FREM1: variants seen among roughly 807,000 people sequenced by gnomAD.
The protein encoded by FREM1 is FRAS1 related extracellular matrix 1, also known as FRAS1-related extracellular matrix protein 1.
Under a neutral mutation model 210.1 loss-of-function variants are expected in FREM1, and 220 were observed. The observed-to-expected ratio is 1.05, with a 90% CI of 0.94 to 1.17. The LOEUF is 1.17. Among genes scored for constraint, FREM1 ranks in the 50% most tolerant of loss-of-function variants. FREM1 has a pLI of 0.00. For synonymous variants in FREM1, 1,189 were observed against 980.2 expected (o/e 1.21, Z -3.98); for missense variants, 3,454 against 2,675.5 (o/e 1.29, Z -6.42).
At position 14,849,975 on chromosome 9, in the gene FREM1, T is replaced by C. The variant is rs545412228; in HGVS notation, c.1153-1202A>G. Among the ~76,000 whole-genome samples, 17 of 152,288 alleles carry C rather than the reference T, an allele frequency of 1.1e-4. 1 individual carries two copies. In the South Asian group the frequency reaches 3.5e-3, roughly 32 times the overall value. ...GGAAATAAAAGCAGAAGGCAAAGCA[T>C]AGCGTTTATAGCCTGAAGTCCTTTG... On this transcript the variant is annotated intron_variant, in intron 6 of 36. Coordinates refer to ENST00000380880, the MANE Select transcript of FREM1 (RefSeq NM_001379081.2).
At chr9:14,888,622 T>C (rs1486519471) in intron 1 of FREM1, among the ~76,000 whole-genome samples, 3 of 152,212 alleles carry the variant, frequency 2.0e-5, no homozygotes, top group Non-Finnish European at 4.4e-5. Flanking sequence ...TCAAGTCAAA[T>C]AGGCCACTTC....
chr9:14,829,713 AT>A (rs1258997336), intron 10 of FREM1, among the ~76,000 whole-genome samples: 1 of 152,196 alleles, frequency 6.6e-6, no homozygotes, highest in African/African-American at 2.4e-5. Context: ...TCTATTGTTT[AT>A]AAATTACCCA....
rs1177617128 is a variant in FREM1, at chr9:14,801,694, G to A, written c.3652C>T (p.His1218Tyr). The change falls in exon 20 of 37, where the codon CAT becomes TAT. Residue 1218 changes from histidine to tyrosine, a missense_variant. His to Tyr is a moderately conservative substitution (Grantham distance 83). Coordinates refer to ENST00000380880, the MANE Select transcript of FREM1 (RefSeq NM_001379081.2). ...ATGGAAAAGCTGTGAACAGGTGCAT[G>A]TTTCTGGTGAGGGTTGGCTGGCTGC... is the stretch of plus-strand genomic sequence containing the variant. ...NKQPANPHQK[H>Y]APVHSFSMEL... The A allele has an allele frequency of 1.9e-6, 3 of 1,613,832 alleles. No individual in the cohort carries two copies. The highest frequency in any genetic ancestry group is 2.7e-5 in the African/African-American group (2 of 74,934).
intron 36 of FREM1, among the ~76,000 whole-genome samples, chr9:14,739,074 AAG>A (rs1450895315): frequency 1.3e-5 from 2 of 151,646 alleles, no homozygotes; most frequent in Non-Finnish European, 2.9e-5. Flanking sequence ...GACTTCAGAA[AAG>A]AGGGAATAAA....
chr9:14,777,561 TA>T, intron 24 of FREM1, among the ~76,000 whole-genome samples: 1 of 152,314 alleles, frequency 6.6e-6, no homozygotes, highest in Middle Eastern at 3.4e-3. Context: ...CCTCTAAAAC[TA>T]ATGCTTTCGT....
intron 22 of FREM1, among the ~76,000 whole-genome samples, chr9:14,792,112 G>T (rs565232907): frequency 2.0e-5 from 3 of 152,108 alleles, no homozygotes; most frequent in Non-Finnish European, 4.4e-5. Context: ...CAAAGTGCTG[G>T]GATTCAGATA....
intron 1 of FREM1, among the ~76,000 whole-genome samples, chr9:14,890,336 T>C (rs1416220003): frequency 6.6e-6 from 1 of 152,214 alleles, no homozygotes; most frequent in Non-Finnish European, 1.5e-5. Flanking sequence ...TTGCAAACTG[T>C]GCTTGTGAAA....
chr9:14,759,382 T>C (rs757492554), intron 28 of FREM1, among the ~76,000 whole-genome samples: 13 of 151,748 alleles, frequency 8.6e-5, no homozygotes, highest in Non-Finnish European at 1.5e-4. Flanking sequence ...TGGTGGCAGG[T>C]GCCTGTAATC....
chr9:14,761,863 A>G (rs1276151218), intron 27 of FREM1, among the ~76,000 whole-genome samples: 1 of 152,204 alleles, frequency 6.6e-6, no homozygotes, highest in Non-Finnish European at 1.5e-5. Flanking sequence ...AATTTTACAT[A>G]ATCATGGCCC....
intron 3 of FREM1, among the ~76,000 whole-genome samples, chr9:14,860,800 CATATATACAT>C (rs1259513133): frequency 2.6e-5 from 2 of 77,146 alleles, no homozygotes; most frequent in African/African-American, 1.1e-4. Flanking sequence ...CATATATACA[CATATATACAT>C]ATATACACAT....
intron 27 of FREM1, among the ~76,000 whole-genome samples, chr9:14,765,094 A>G (rs867527858): frequency 6.6e-6 from 1 of 152,244 alleles, no homozygotes; most frequent in Admixed American, 6.5e-5. Flanking sequence ...TACTATCCTT[A>G]TAACTATATC....
intron 1 of FREM1, among the ~76,000 whole-genome samples, chr9:14,897,647 G>A (rs980742337): frequency 2.7e-5 from 4 of 150,460 alleles, no homozygotes; most frequent in Non-Finnish European, 4.4e-5. Flanking sequence ...CTGGAGTACA[G>A]TTCCTTCATC....
Position 14,737,321 on chromosome 9 carries a change from A to G in FREM1, c.*75T>C, listed in dbSNP as rs1212297624. 2.7e-6 allele frequency: 3 copies of G among 1,119,958 alleles called. No homozygotes were observed. Among genetic ancestry groups the G allele is most frequent in the Non-Finnish European group, 3.9e-6 (3 of 772,738 alleles). 69.4% of individuals were successfully genotyped at this position (1,119,958 alleles called of 1,614,324 possible). On this transcript the variant is annotated 3_prime_UTR_variant, in exon 37 of 37. Coordinates refer to ENST00000380880, the MANE Select transcript of FREM1 (RefSeq NM_001379081.2). ...ACTCAATCATAACAATTTGTTTTCT[A>G]TGGAGCAATATTCACAGATCCTGTG...
chr9:14,816,549 A>C (rs1182511366), intron 15 of FREM1, among the ~76,000 whole-genome samples: 2 of 152,152 alleles, frequency 1.3e-5, no homozygotes, highest in African/African-American at 4.8e-5. Context: ...TAAAAGGCTC[A>C]TAGCTCAGTG....
chr9:14,747,462 A>G, intron 32 of FREM1, 34 bp from the exon 33 acceptor site: 2 of 1,589,874 alleles, frequency 1.3e-6, no homozygotes, highest in Non-Finnish European at 1.7e-6. Flanking sequence ...ACAATAAGGA[A>G]AAAACAAACA....
At chr9:14,865,998 G>A (rs1271916376) in intron 2 of FREM1, among the ~76,000 whole-genome samples, 1 of 152,112 alleles carries the variant, frequency 6.6e-6, no homozygotes, top group Non-Finnish European at 1.5e-5. Context: ...AATATTAGAA[G>A]ATATAAATCC....
intron 2 of FREM1, among the ~76,000 whole-genome samples, chr9:14,867,085 C>T (rs1442469599): frequency 2.6e-5 from 4 of 152,084 alleles, no homozygotes; most frequent in African/African-American, 9.7e-5. Flanking sequence ...GTCTCTAACT[C>T]CTGGACTCAA....
chr9:14,864,494 T>C (rs1831159896), intron 2 of FREM1, among the ~76,000 whole-genome samples: 2 of 152,226 alleles, frequency 1.3e-5, no homozygotes, highest in African/African-American at 4.8e-5. Flanking sequence ...ACTGCTTTCA[T>C]TAGTTAGGCA....
chr9:14,747,114 C>T lies in FREM1; in HGVS notation c.6010-63G>A. ...ACTTAAGGAAAGTTGCTCACACATTCACCTCCTTTGGGTCTTCATTTGTTG... is the reference window on the plus strand; with the variant it reads ...ACTTAAGGAAAGTTGCTCACACATTTACCTCCTTTGGGTCTTCATTTGTTG... On this transcript the variant is annotated intron_variant, in intron 33 of 36. Coordinates refer to ENST00000380880, the MANE Select transcript of FREM1 (RefSeq NM_001379081.2). 7 of 1,607,022 alleles carry T rather than the reference C, an allele frequency of 4.4e-6. No homozygotes were observed. In the South Asian group the frequency reaches 6.6e-5, roughly 15 times the overall value.
Sources: allele counts gnomAD v4.1 joint callset (sites outside exome capture counted in the v4.1 genomes callset), GRCh38; gene constraint gnomAD v4.1.1; transcripts MANE v1.5; gene names NCBI Gene and HGNC (gene_info 2026-07-23, HGNC 2026-07-21).